FHIP1A: variants seen among roughly 807,000 people sequenced by gnomAD.
FHIP1A encodes FHF complex subunit HOOK interacting protein 1A.
In FHIP1A, 61 loss-of-function variants were observed where a neutral mutation model predicts 88.6. The ratio of observed to expected loss-of-function variants is 0.69; its 90% CI spans 0.56 to 0.85. The LOEUF (loss-of-function observed/expected upper bound fraction) is 0.85, where lower values mean the gene tolerates loss of function less well. FHIP1A is among the 40% of genes least tolerant of loss of function. The probability of loss-of-function intolerance (pLI) is 0.00; values close to 1 mark genes in which losing one functional copy is unlikely to be tolerated. For missense variants in FHIP1A, 1,154 were observed against 1,273.5 expected, an observed-to-expected ratio of 0.91 and a Z score of 1.43; for synonymous variants, 478 against 496.0, an observed-to-expected ratio of 0.96 and a Z score of 0.48.
chr4:151,511,433 G>A (rs1040418199), intron 3 of FHIP1A, among the ~76,000 whole-genome samples: 4 of 152,208 alleles, frequency 2.6e-5, no homozygotes, highest in Admixed American at 6.5e-5. Flanking sequence ...GACAGTGGGC[G>A]CAGGACAGTG....
chr4:151,625,293 G>A (rs1211211082), intron 7 of FHIP1A, among the ~76,000 whole-genome samples: 1 of 152,140 alleles, frequency 6.6e-6, no homozygotes, highest in Non-Finnish European at 1.5e-5. Flanking sequence ...CAAAGGAAAA[G>A]CCAAGGAAGG....
At chr4:151,504,966 A>G (rs1452499706) in intron 3 of FHIP1A, among the ~76,000 whole-genome samples, 1 of 152,166 alleles carries the variant, frequency 6.6e-6, no homozygotes, top group Non-Finnish European at 1.5e-5. Flanking sequence ...TCAGGACTCT[A>G]CTATCAGAGA....
At chr4:151,612,076 G>A (rs2126848559) in intron 7 of FHIP1A, among the ~76,000 whole-genome samples, 1 of 152,246 alleles carries the variant, frequency 6.6e-6, no homozygotes, top group Middle Eastern at 3.4e-3. Context: ...CAAAGGCATT[G>A]AGGACCAGAG....
chr4:151,485,382 CA>C (rs1231300273), intron 3 of FHIP1A, among the ~76,000 whole-genome samples: 4 of 143,448 alleles, frequency 2.8e-5, no homozygotes, highest in African/African-American at 1.0e-4. Context: ...TCATTTTTAA[CA>C]TCATTTCTGA....
chr4:151,434,307 A>G (rs1033073107), intron 1 of FHIP1A, among the ~76,000 whole-genome samples: 5 of 152,208 alleles, frequency 3.3e-5, no homozygotes, highest in Non-Finnish European at 7.3e-5. Flanking sequence ...TTAGATGGGA[A>G]TTAATAAATA....
At chr4:151,515,032 G>A (rs1385384270) in intron 3 of FHIP1A, among the ~76,000 whole-genome samples, 1 of 151,920 alleles carries the variant, frequency 6.6e-6, no homozygotes, top group Non-Finnish European at 1.5e-5. Context: ...TATCCTTGAT[G>A]AACATTGATG....
chr4:151,499,471 G>A (rs561308329), intron 3 of FHIP1A, among the ~76,000 whole-genome samples: 2 of 152,266 alleles, frequency 1.3e-5, no homozygotes, highest in South Asian at 4.2e-4. Flanking sequence ...TGTACATCTT[G>A]AACTTTCCTT....
chr4:151,539,745 C>A (rs1415419386), intron 3 of FHIP1A, among the ~76,000 whole-genome samples: 1 of 152,092 alleles, frequency 6.6e-6, no homozygotes, highest in Non-Finnish European at 1.5e-5. Flanking sequence ...AACATTTCCT[C>A]CCACTGCTGA....
intron 7 of FHIP1A, among the ~76,000 whole-genome samples, chr4:151,625,575 G>A (rs948821824): frequency 5.3e-5 from 8 of 152,256 alleles, no homozygotes; most frequent in Non-Finnish European, 1.0e-4. Flanking sequence ...TCACTCATAC[G>A]CCGTGCAATA....
chr4:151,649,711 A>G lies in FHIP1A; in HGVS notation c.1670A>G (p.Gln557Arg). The G allele has an allele frequency of 6.4e-7, 1 of 1,551,526 alleles. No homozygotes were observed. The highest frequency in any genetic ancestry group is 8.7e-7 in the Non-Finnish European group (1 of 1,146,946). The change falls in exon 11 of 14, where the codon CAA (glutamine) becomes CGA (arginine). Residue 557 changes from glutamine (Q) to arginine (R), a missense_variant. Gln to Arg is a conservative substitution (Grantham distance 43, BLOSUM62 1). Coordinates refer to ENST00000435205, the MANE Select transcript of FHIP1A (RefSeq NM_001109977.3). ...TGCCCTGTGTTCGGGCTCCCGCAAC[A>G]ACTCCCCAGGAAGACAGGACCTCAG... Reference protein sequence around the residue: ...SACPVFGLPQQLPRKTGPQLA... With the variant: ...SACPVFGLPQRLPRKTGPQLA...
At chr4:151,521,779 C>A (rs1252664102) in intron 3 of FHIP1A, among the ~76,000 whole-genome samples, 2 of 152,114 alleles carry the variant, frequency 1.3e-5, no homozygotes, top group Non-Finnish European at 2.9e-5. Flanking sequence ...GACTGGAGTG[C>A]AGTGGCATGA....
intron 4 of FHIP1A, among the ~76,000 whole-genome samples, chr4:151,573,271 A>AACACAC (rs140733704): frequency 1.3e-4 from 19 of 147,208 alleles, no homozygotes; most frequent in African/African-American, 4.1e-4. Context: ...GATGCATCCA[A>AACACAC]ACACACACAC....
chr4:151,512,356 A>G (rs903261328), intron 3 of FHIP1A, among the ~76,000 whole-genome samples: 1 of 152,206 alleles, frequency 6.6e-6, no homozygotes, highest in Non-Finnish European at 1.5e-5. Context: ...AGCGGAAAAA[A>G]CAGAGCAGAA....
intron 3 of FHIP1A, among the ~76,000 whole-genome samples, chr4:151,555,214 C>T (rs1346621970): frequency 6.6e-6 from 1 of 152,118 alleles, no homozygotes; most frequent in Non-Finnish European, 1.5e-5. Context: ...ATGGATGTTA[C>T]ACTGACCCAA....
intron 7 of FHIP1A, among the ~76,000 whole-genome samples, chr4:151,623,499 C>T (rs1225373006): frequency 6.8e-6 from 1 of 147,806 alleles, no homozygotes; most frequent in Non-Finnish European, 1.5e-5. Flanking sequence ...TTGCCACCAA[C>T]ACTCCCGCTG....
intron 9 of FHIP1A, among the ~76,000 whole-genome samples, chr4:151,639,437 A>G (rs1736486068): frequency 6.6e-6 from 1 of 152,258 alleles, no homozygotes; most frequent in South Asian, 2.1e-4. Context: ...GCCTTGGCCC[A>G]GCAATCCCTC....
chr4:151,537,896 A>G (rs1334928135), intron 3 of FHIP1A, among the ~76,000 whole-genome samples: 11 of 152,162 alleles, frequency 7.2e-5, no homozygotes, highest in African/African-American at 2.7e-4. Context: ...CTGCTTCAGA[A>G]TAGGGGCATC....
At chr4:151,536,106 C>CT (rs35269660) in intron 3 of FHIP1A, among the ~76,000 whole-genome samples, 1 of 151,968 alleles carries the variant, frequency 6.6e-6, no homozygotes, top group African/African-American at 2.4e-5. Flanking sequence ...AGAACATGAA[C>CT]TTTTTTTTCC....
chr4:151,573,068 G>A (rs946712481), intron 4 of FHIP1A, among the ~76,000 whole-genome samples: 2 of 152,080 alleles, frequency 1.3e-5, no homozygotes, highest in Non-Finnish European at 1.5e-5. Flanking sequence ...AAAGAAATAC[G>A]CTATTTATTA....
Sources: allele counts gnomAD v4.1 joint callset (sites outside exome capture counted in the v4.1 genomes callset), GRCh38; gene constraint gnomAD v4.1.1; transcripts MANE v1.5; gene names NCBI Gene and HGNC (gene_info 2026-07-23, HGNC 2026-07-21).